PPP1R9A: variants seen among roughly 807,000 people sequenced by gnomAD.
The protein encoded by PPP1R9A is protein phosphatase 1 regulatory subunit 9A, also known as neurabin-1.
In PPP1R9A, 59 loss-of-function variants were observed where a neutral mutation model predicts 141.9. The ratio of observed to expected loss-of-function variants is 0.42; its 90% CI spans 0.34 to 0.52. The LOEUF (loss-of-function observed/expected upper bound fraction) is 0.52. Ranked by LOEUF, PPP1R9A falls within the 20% of genes least tolerant of loss-of-function variation. The pLI is 0.10. For synonymous variants in PPP1R9A, 500 were observed against 569.7 expected (o/e 0.88, Z 1.74); for missense variants, 1,444 against 1,611.9 (o/e 0.90, Z 1.78).
chr7:94,909,304 A>C (rs1791187001), intron 1 of PPP1R9A, among the ~76,000 whole-genome samples: 1 of 152,192 alleles, frequency 6.6e-6, no homozygotes, highest in Non-Finnish European at 1.5e-5. Context: ...ACTTATTGCT[A>C]TTCAGGAACT....
intron 2 of PPP1R9A, among the ~76,000 whole-genome samples, chr7:95,105,869 G>T (rs1315638263): frequency 6.6e-6 from 1 of 152,122 alleles, no homozygotes; most frequent in African/African-American, 2.4e-5. Flanking sequence ...GGGGATTTTG[G>T]CAGCCTAATC....
intron 8 of PPP1R9A, among the ~76,000 whole-genome samples, chr7:95,246,119 G>C (rs1279694654): frequency 1.3e-5 from 2 of 152,094 alleles, no homozygotes; most frequent in African/African-American, 4.8e-5. Context: ...CATCCAAGGG[G>C]GTCGAATAGA....
intron 2 of PPP1R9A, among the ~76,000 whole-genome samples, chr7:94,939,513 T>C (rs1471874977): frequency 1.3e-5 from 2 of 152,002 alleles, no homozygotes; most frequent in African/African-American, 2.4e-5. Context: ...TAATCCAATA[T>C]AGATTTTTCA....
In PPP1R9A at chr7:94,910,833, T is replaced by A; in HGVS notation, c.720T>A (p.Ser240=). The change falls in exon 2 of 20, where the codon TCT becomes TCA. Residue 240 remains serine, a synonymous_variant. Coordinates refer to ENST00000433360, the MANE Select transcript of PPP1R9A (RefSeq NM_001166160.2). The surrounding 1 kb of genome is among the most constrained non-coding windows in gnomAD (Gnocchi z 4.5). ...GGCATTATCCCTTGAATTTACCATC[T>A]GTTACTGTTACAAATCTTGACACAT... ...VTGHYPLNLP[S]VTVTNLDTFG... The A allele has an allele frequency of 6.2e-7, 1 of 1,613,920 alleles. No individual in the cohort carries two copies. The highest frequency in any genetic ancestry group is 8.5e-7 in the Non-Finnish European group (1 of 1,180,008).
intron 5 of PPP1R9A, among the ~76,000 whole-genome samples, chr7:95,190,713 T>C (rs1298263659): frequency 2.0e-5 from 3 of 152,208 alleles, no homozygotes; most frequent in Non-Finnish European, 4.4e-5. Flanking sequence ...CTTTCAGAAC[T>C]TGCAGTGGCT....
At chr7:95,027,569 A>G (rs991110101) in intron 2 of PPP1R9A, among the ~76,000 whole-genome samples, 9 of 152,112 alleles carry the variant, frequency 5.9e-5, no homozygotes, top group Non-Finnish European at 1.3e-4. Context: ...CTACATTTTT[A>G]TAGTCATGTG....
At chr7:95,037,987 C>T (rs964367676) in intron 2 of PPP1R9A, among the ~76,000 whole-genome samples, 5 of 151,448 alleles carry the variant, frequency 3.3e-5, no homozygotes, top group Non-Finnish European at 5.9e-5. Context: ...TGGCAAGTGC[C>T]TGTAATCCCA....
intron 3 of PPP1R9A, among the ~76,000 whole-genome samples, chr7:95,114,845 A>T (rs1821192092): frequency 6.6e-6 from 1 of 151,446 alleles, no homozygotes; most frequent in African/African-American, 2.4e-5. Flanking sequence ...ATTATAACTC[A>T]TATCCCAAAC....
chr7:94,989,520 A>G (rs1458204729), intron 2 of PPP1R9A, among the ~76,000 whole-genome samples: 1 of 152,134 alleles, frequency 6.6e-6, no homozygotes, highest in East Asian at 1.9e-4. Flanking sequence ...GAGTTGCAGT[A>G]TAGCTCGAAG....
At chr7:95,265,965 T>A (rs775671098) in intron 12 of PPP1R9A, among the ~76,000 whole-genome samples, 2 of 152,182 alleles carry the variant, frequency 1.3e-5, no homozygotes, top group Non-Finnish European at 2.9e-5. Context: ...ATACACCAGA[T>A]TGCCATTTTT....
intron 12 of PPP1R9A, among the ~76,000 whole-genome samples, chr7:95,255,901 T>A (rs970693494): frequency 1.3e-5 from 2 of 152,144 alleles, no homozygotes; most frequent in Admixed American, 1.3e-4. Flanking sequence ...TTTTGAAGCA[T>A]AACAGGAACT....
intron 2 of PPP1R9A, among the ~76,000 whole-genome samples, chr7:94,970,903 A>G (rs1475724333): frequency 6.6e-6 from 1 of 151,932 alleles, no homozygotes; most frequent in African/African-American, 2.4e-5. Context: ...AATCTTCTGT[A>G]CCTCTAATTT....
intron 2 of PPP1R9A, among the ~76,000 whole-genome samples, chr7:95,028,845 T>C (rs1434972061): frequency 2.0e-5 from 3 of 152,134 alleles, no homozygotes; most frequent in South Asian, 4.2e-4. Flanking sequence ...CCTCTTTGAG[T>C]GGAGCCTAAA....
At chr7:95,137,934 C>CTT (rs1041692626) in intron 4 of PPP1R9A, among the ~76,000 whole-genome samples, 7,390 of 134,478 alleles carry the variant, frequency 0.055, 609 homozygotes, top group African/African-American at 0.17. Flanking sequence ...TTCTTTTTTT[C>CTT]TTTTTTTTTT....
intron 4 of PPP1R9A, among the ~76,000 whole-genome samples, chr7:95,126,051 T>G (rs1213256032): frequency 6.6e-6 from 1 of 152,196 alleles, no homozygotes; most frequent in Non-Finnish European, 1.5e-5. Context: ...ATGTTAGTCT[T>G]CTAATAAAAT....
chr7:95,069,550 A>G (rs757107287), intron 2 of PPP1R9A, among the ~76,000 whole-genome samples: 1 of 152,006 alleles, frequency 6.6e-6, no homozygotes. Context: ...GAGGTTATGT[A>G]TATACATATT....
intron 2 of PPP1R9A, among the ~76,000 whole-genome samples, chr7:95,019,622 T>C (rs1231215291): frequency 1.3e-5 from 2 of 151,978 alleles, no homozygotes; most frequent in African/African-American, 4.8e-5. Flanking sequence ...TAAAAGAAAA[T>C]ACATGAATAA....
intron 7 of PPP1R9A, among the ~76,000 whole-genome samples, chr7:95,213,420 A>C (rs1199806968): frequency 6.9e-6 from 1 of 144,100 alleles, no homozygotes; most frequent in Non-Finnish European, 1.5e-5. Flanking sequence ...TTACGGGTTC[A>C]AGCGTTTCTC....
At position 95,288,609 on chromosome 7, in the gene PPP1R9A, A is replaced by C; in HGVS notation, c.3803A>C (p.Gln1268Pro). 3 of 1,614,150 alleles carry C rather than the reference A, an allele frequency of 1.9e-6. No homozygotes were observed. Among genetic ancestry groups the C allele is most frequent in the Non-Finnish European group, 1.7e-6 (2 of 1,180,022 alleles). The stretch of plus-strand genomic sequence containing the variant: ...GCCGTTCAGGAATGGAGTGTGCAGC[A>C]GGTTTCTCACTGGTTAATGAGCCTA... ...NRAVQEWSVQQVSHWLMSLNL... is the reference protein window; with the variant it reads ...NRAVQEWSVQPVSHWLMSLNL... The change falls in exon 19 of 20, where the codon CAG becomes CCG. Residue 1268 changes from glutamine (Q) to proline (P), a missense_variant. By Grantham distance (76) the Gln-to-Pro change is moderately conservative. This residue lies in a region of PPP1R9A where 459 missense variants were observed against 513.8 expected (regional missense o/e 0.89). Transcript: ENST00000433360.
Sources: allele counts gnomAD v4.1 joint callset (sites outside exome capture counted in the v4.1 genomes callset), GRCh38; gene constraint gnomAD v4.1.1; regional missense constraint gnomAD v4.1.1; non-coding constraint Gnocchi (gnomAD v3.1); transcripts MANE v1.5; gene names NCBI Gene and HGNC (gene_info 2026-07-23, HGNC 2026-07-21).